VPS26A: variants seen among roughly 807,000 people sequenced by gnomAD.
VPS26A encodes the protein vacuolar protein sorting-associated protein 26A.
A neutral mutation model predicts 42.4 loss-of-function variants in VPS26A; 22 were observed. That is an observed-to-expected ratio of 0.52 (90% CI 0.37 to 0.74). The LOEUF (loss-of-function observed/expected upper bound fraction) is 0.74, where lower values mean the gene tolerates loss of function less well. Ranked by LOEUF, VPS26A falls within the 30% of genes least tolerant of loss-of-function variation. The pLI is 0.00. For missense variants in VPS26A, 276 were observed against 379.2 expected (o/e 0.73, Z 2.26); for synonymous variants, 110 against 123.5 (o/e 0.89, Z 0.73).
intron 1 of VPS26A, among the ~76,000 whole-genome samples, chr10:69,131,643 G>C (rs1222169011): frequency 6.6e-6 from 1 of 152,064 alleles, no homozygotes; most frequent in Non-Finnish European, 1.5e-5. Context: ...TGAGGCAGGA[G>C]AATGGTGTGA....
chr10:69,140,938 G>A (rs1466919316), intron 2 of VPS26A, among the ~76,000 whole-genome samples: 2 of 152,150 alleles, frequency 1.3e-5, no homozygotes, highest in African/African-American at 4.8e-5. Context: ...TATCATGCAG[G>A]TTTTGTGGCT....
chr10:69,169,856 G>A (rs7087611), intron 8 of VPS26A, among the ~76,000 whole-genome samples: 6,326 of 152,186 alleles, frequency 0.042, 459 homozygotes, highest in African/African-American at 0.14. Flanking sequence ...TGATCCGCCT[G>A]CCTCAGCCTC....
intron 1 of VPS26A, among the ~76,000 whole-genome samples, chr10:69,125,562 G>A (rs1388280522): frequency 6.8e-6 from 1 of 146,388 alleles, no homozygotes; most frequent in Non-Finnish European, 1.6e-5. Flanking sequence ...CATTTGAAAA[G>A]AAAACTTAAA....
chr10:69,165,756 GCAA>G (rs1254966313), intron 6 of VPS26A, among the ~76,000 whole-genome samples: 2 of 152,062 alleles, frequency 1.3e-5, no homozygotes, highest in Non-Finnish European at 2.9e-5. Flanking sequence ...ACCAGCCTGG[GCAA>G]TATATTGAGA....
chr10:69,127,797 C>T (rs1840695519), intron 1 of VPS26A, among the ~76,000 whole-genome samples: 1 of 146,908 alleles, frequency 6.8e-6, no homozygotes, highest in Non-Finnish European at 1.5e-5. Flanking sequence ...TTACTGCAGC[C>T]TCGACCTCCT....
chr10:69,148,836 A>G (rs949317242), intron 2 of VPS26A, among the ~76,000 whole-genome samples: 1 of 151,026 alleles, frequency 6.6e-6, no homozygotes, highest in Admixed American at 6.6e-5. Flanking sequence ...GCTCACTGCA[A>G]GCTCTGCCTC....
intron 8 of VPS26A, among the ~76,000 whole-genome samples, 193 bp from the exon 9 acceptor site, chr10:69,170,963 G>T (rs1841800411): frequency 6.6e-6 from 1 of 152,162 alleles, no homozygotes; most frequent in South Asian, 2.1e-4. Context: ...ATGGGTGCTG[G>T]TGATAGGAGC....
chr10:69,143,009 G>A, intron 2 of VPS26A, among the ~76,000 whole-genome samples: 1 of 152,258 alleles, frequency 6.6e-6, no homozygotes, highest in East Asian at 1.9e-4. Flanking sequence ...GGGGTAGAAA[G>A]TTTGTTTCAG....
At position 69,168,478 on chromosome 10, in the gene VPS26A, T is replaced by C. The variant is rs752562500; in HGVS notation, c.728-11T>C. 5.0e-6 allele frequency: 8 copies of C among 1,608,700 alleles called. No homozygotes were observed. The highest frequency in any genetic ancestry group is 6.8e-6 in the Non-Finnish European group (8 of 1,178,332). ...ATCTTTAGAATTAAGTAGAAATTCC[T>C]TTTCTTTCAGGTGAATCAATTCCAA... On this transcript the variant is annotated splice_polypyrimidine_tract_variant and intron_variant, in intron 7 of 8. Coordinates refer to ENST00000263559, the MANE Select transcript of VPS26A (RefSeq NM_004896.5).
intron 2 of VPS26A, among the ~76,000 whole-genome samples, chr10:69,143,411 G>A (rs1841085754): frequency 6.6e-6 from 1 of 152,080 alleles, no homozygotes; most frequent in African/African-American, 2.4e-5. Flanking sequence ...GGATCTTGGA[G>A]GTCTGACATC....
intron 5 of VPS26A, among the ~76,000 whole-genome samples, chr10:69,160,353 T>A (rs569116921): frequency 1.3e-5 from 2 of 151,546 alleles, no homozygotes; most frequent in African/African-American, 4.8e-5. Context: ...GGAGACGGGG[T>A]TTCACCATGT....
intron 1 of VPS26A, among the ~76,000 whole-genome samples, chr10:69,126,328 C>T (rs34954523): frequency 0.011 from 1,722 of 152,168 alleles, 18 homozygotes; most frequent in Non-Finnish European, 0.018. Context: ...AAAAATTGGC[C>T]AAGTGTGGTG....
chr10:69,132,888 T>C lies in VPS26A; in HGVS notation c.4-10T>C. 1 of 1,575,684 alleles carries C rather than the reference T, an allele frequency of 6.3e-7. No homozygotes were observed. Among genetic ancestry groups the C allele is most frequent in the Admixed American group, 2.1e-5 (1 of 46,820 alleles). The stretch of plus-strand genomic sequence containing the variant: ...ACATGATAATTATGACCATTTTCAT[T>C]TTATTTCAGAGTTTTCTTGGAGGCT... On this transcript the variant is annotated splice_polypyrimidine_tract_variant and intron_variant, in intron 1 of 8. Coordinates refer to ENST00000263559, the MANE Select transcript of VPS26A (RefSeq NM_004896.5).
chr10:69,161,403 A>G (rs1463454999), intron 5 of VPS26A: 12 of 161,304 alleles, frequency 7.4e-5, no homozygotes, highest in Non-Finnish European at 1.1e-4. Flanking sequence ...GAGGTAGTCA[A>G]GTAAAAGTTT....
chr10:69,156,452 T>C (rs951730878), intron 3 of VPS26A, among the ~76,000 whole-genome samples: 2 of 152,150 alleles, frequency 1.3e-5, no homozygotes, highest in African/African-American at 4.8e-5. Context: ...AATATGTCTT[T>C]ATAATACTGT....
chr10:69,169,592 C>T (rs1036422261), intron 8 of VPS26A, among the ~76,000 whole-genome samples: 1 of 151,208 alleles, frequency 6.6e-6, no homozygotes, highest in Non-Finnish European at 1.5e-5. Context: ...CCACCATGCC[C>T]AGCCTCTAAT....
At chr10:69,150,525 G>A (rs897148577) in intron 2 of VPS26A, among the ~76,000 whole-genome samples, 1 of 151,960 alleles carries the variant, frequency 6.6e-6, no homozygotes, top group Non-Finnish European at 1.5e-5. Flanking sequence ...GGCCTCCTGA[G>A]TAGCTGGGAC....
intron 6 of VPS26A, among the ~76,000 whole-genome samples, chr10:69,164,815 T>C: frequency 6.6e-6 from 1 of 152,328 alleles, no homozygotes; most frequent in South Asian, 2.1e-4. Context: ...ATGTATCACC[T>C]TTACTTTTTT....
rs557120314 is a variant in VPS26A at position 69,143,121 on chromosome 10, G to C, written c.153+10074G>C. On this transcript the variant is annotated intron_variant, in intron 2 of 8. Coordinates refer to ENST00000263559, the MANE Select transcript of VPS26A (RefSeq NM_004896.5). ...TAAAGGAAAAAGAGGAGGAAACAACGGGTTGTTTACGACCAAGCATGTGTC... is the reference window on the plus strand; with the variant it reads ...TAAAGGAAAAAGAGGAGGAAACAACCGGTTGTTTACGACCAAGCATGTGTC... Among the ~76,000 whole-genome samples the C allele has an allele frequency of 3.3e-5, 5 of 152,278 alleles. 1 individual carries two copies. Among genetic ancestry groups the C allele is most frequent in the African/African-American group, 1.2e-4 (5 of 41,560 alleles).
Sources: allele counts gnomAD v4.1 joint callset (sites outside exome capture counted in the v4.1 genomes callset), GRCh38; gene constraint gnomAD v4.1.1; transcripts MANE v1.5; gene names NCBI Gene and HGNC (gene_info 2026-07-23, HGNC 2026-07-21).